The following MDGA2 variants were observed in gnomAD, a reference collection of about 807,000 sequenced individuals.
MDGA2 encodes MAM domain containing glycosylphosphatidylinositol anchor 2.
Under a neutral mutation model 117.8 loss-of-function variants are expected in MDGA2, and 40 were observed. The observed-to-expected ratio is 0.34, with a 90% CI of 0.26 to 0.44. The LOEUF (loss-of-function observed/expected upper bound fraction) is 0.44. Among genes scored for constraint, MDGA2 ranks in the 20% least tolerant of loss-of-function variants. The pLI, the probability that MDGA2 is intolerant of heterozygous loss-of-function variation, is 1.00. For missense variants in MDGA2, 1,123 were observed against 1,250.6 expected (o/e 0.90, Z 1.54); for synonymous variants, 452 against 439.0 (o/e 1.03, Z -0.37).
chr14:47,651,932 T>A (rs759154550), intron 1 of MDGA2, among the ~76,000 whole-genome samples: 25 of 152,030 alleles, frequency 1.6e-4, no homozygotes, highest in Non-Finnish European at 3.1e-4. Context: ...TTTGACAAAT[T>A]AATGTTGATG....
chr14:47,645,760 A>G (rs1412470285), intron 1 of MDGA2, among the ~76,000 whole-genome samples: 1 of 152,026 alleles, frequency 6.6e-6, no homozygotes, highest in East Asian at 1.9e-4. Context: ...CAGATTAACA[A>G]TAACACCCAA....
chr14:47,660,414 A>G (rs1897823745), intron 1 of MDGA2, among the ~76,000 whole-genome samples: 1 of 152,248 alleles, frequency 6.6e-6, no homozygotes, highest in Non-Finnish European at 1.5e-5. Flanking sequence ...AAGCATAGGA[A>G]AAATGACTTT....
chr14:47,165,630 G>T (rs982958455), intron 3 of MDGA2, among the ~76,000 whole-genome samples: 1 of 152,116 alleles, frequency 6.6e-6, no homozygotes, highest in Non-Finnish European at 1.5e-5. Context: ...CCATTTCTAG[G>T]TTCCACTCTG....
intron 2 of MDGA2, among the ~76,000 whole-genome samples, chr14:47,294,424 G>T (rs1343754512): frequency 6.6e-6 from 1 of 151,968 alleles, no homozygotes; most frequent in Admixed American, 6.6e-5. Context: ...AAAAATAAAT[G>T]TTTGGATGCT....
intron 3 of MDGA2, among the ~76,000 whole-genome samples, chr14:47,185,304 A>G (rs963824890): frequency 1.3e-5 from 2 of 151,444 alleles, no homozygotes; most frequent in African/African-American, 4.8e-5. Flanking sequence ...TCTGGAAAAA[A>G]TGAAAAACTA....
chr14:47,446,022 G>A (rs1173430736), intron 1 of MDGA2, among the ~76,000 whole-genome samples: 2 of 152,134 alleles, frequency 1.3e-5, no homozygotes, highest in South Asian at 2.1e-4. Context: ...ACATAGCTTT[G>A]TAGTCTTAGC....
chr14:47,467,712 G>A (rs1046340084), intron 1 of MDGA2, among the ~76,000 whole-genome samples: 10 of 152,026 alleles, frequency 6.6e-5, no homozygotes, highest in African/African-American at 1.9e-4. Context: ...TGTAAAATGA[G>A]GGATAAATGA....
At chr14:47,070,523 A>G (rs1325113115) in intron 6 of MDGA2, among the ~76,000 whole-genome samples, 1 of 152,200 alleles carries the variant, frequency 6.6e-6, no homozygotes, top group African/African-American at 2.4e-5. Context: ...GAAATGTGAA[A>G]AGAGACAAAC....
Position 47,553,370 on chromosome 14 carries a change from T to C in MDGA2, c.280+121147A>G, listed in dbSNP as rs115335976. ...TGTCTAGAAATCAACTAGTATATTA[T>C]GGTCAGTTCCTTGGAACTCCTTCTA... is the stretch of plus-strand genomic sequence containing the variant. On this transcript the variant is annotated intron_variant, in intron 1 of 16. Transcript: ENST00000399232. Among the ~76,000 whole-genome samples, 358 of 152,358 alleles carry C rather than the reference T, an allele frequency of 2.3e-3. 1 individual carries two copies. Among genetic ancestry groups the C allele is most frequent in the African/African-American group, 8.1e-3 (337 of 41,586 alleles).
chr14:47,536,218 A>T (rs2138743215), intron 1 of MDGA2, among the ~76,000 whole-genome samples: 1 of 152,320 alleles, frequency 6.6e-6, no homozygotes, highest in Non-Finnish European at 1.5e-5. Flanking sequence ...TCAATCTATC[A>T]CAAAGACACA....
At chr14:46,908,701 T>G (rs1382446580) in intron 10 of MDGA2, among the ~76,000 whole-genome samples, 1 of 152,220 alleles carries the variant, frequency 6.6e-6, no homozygotes, top group African/African-American at 2.4e-5. Context: ...GAACATAATT[T>G]AGGGTTATAA....
chr14:47,359,881 A>T (rs1594815944), intron 1 of MDGA2, among the ~76,000 whole-genome samples: 1 of 152,124 alleles, frequency 6.6e-6, no homozygotes. Context: ...ACATGTAGGG[A>T]TATATCAAAC....
chr14:47,271,503 G>T (rs924120559), intron 2 of MDGA2, among the ~76,000 whole-genome samples: 1 of 152,102 alleles, frequency 6.6e-6, no homozygotes, highest in African/African-American at 2.4e-5. Context: ...CGTATAAGTA[G>T]AACCCTGGGA....
chr14:47,001,964 A>G (rs142589753), intron 8 of MDGA2, among the ~76,000 whole-genome samples: 5 of 152,240 alleles, frequency 3.3e-5, no homozygotes, highest in African/African-American at 1.2e-4. Flanking sequence ...GAAAGCAAGA[A>G]TTAAGATTCT....
At chr14:47,490,091 A>C (rs567717268) in intron 1 of MDGA2, among the ~76,000 whole-genome samples, 3 of 152,244 alleles carry the variant, frequency 2.0e-5, no homozygotes, top group South Asian at 2.1e-4. Context: ...GTGTGTCAGC[A>C]GTAGAATAAA....
intron 1 of MDGA2, among the ~76,000 whole-genome samples, chr14:47,508,648 G>C (rs753117097): frequency 1.3e-4 from 19 of 151,998 alleles, no homozygotes; most frequent in Non-Finnish European, 2.2e-4. Context: ...ATGAAAATAA[G>C]TCTTGTGCAT....
At chr14:47,665,812 C>A (rs1897940326) in intron 1 of MDGA2, among the ~76,000 whole-genome samples, 1 of 10,448 alleles carries the variant, frequency 9.6e-5, no homozygotes, top group Non-Finnish European at 2.7e-4. Flanking sequence ...CCTCGCCCCC[C>A]CTCCCCCCCG....
At chr14:47,597,310 A>ATTGTTT (rs1896561730) in intron 1 of MDGA2, among the ~76,000 whole-genome samples, 1 of 152,188 alleles carries the variant, frequency 6.6e-6, no homozygotes, top group Admixed American at 6.5e-5. Context: ...TTTTAAACAA[A>ATTGTTT]ATGAATATTT....
chr14:47,200,978 T>C, intron 3 of MDGA2: 1 of 830,086 alleles, frequency 1.2e-6, no homozygotes, highest in Non-Finnish European at 2.1e-6. Context: ...TTGCCAGAAA[T>C]GTTGATGCCT....
Sources: allele counts gnomAD v4.1 joint callset (sites outside exome capture counted in the v4.1 genomes callset), GRCh38; gene constraint gnomAD v4.1.1; transcripts MANE v1.5; gene names NCBI Gene and HGNC (gene_info 2026-07-23, HGNC 2026-07-21).